RTL6: variants seen among roughly 807,000 people sequenced by gnomAD.
RTL6 encodes the protein retrotransposon Gag like 6.
Under a neutral mutation model 12.4 loss-of-function variants are expected in RTL6, and 9 were observed. The ratio of observed to expected loss-of-function variants is 0.73; its 90% CI spans 0.44 to 1.27. The LOEUF is 1.27. RTL6 is among the 50% of genes most tolerant of loss of function. RTL6 has a pLI of 0.00. For synonymous variants in RTL6, 160 were observed against 142.8 expected, an observed-to-expected ratio of 1.12 and a Z score of -0.86; for missense variants, 291 against 330.7, an observed-to-expected ratio of 0.88 and a Z score of 0.93.
At position 44,494,483 on chromosome 22, in the gene RTL6, G is replaced by T. The variant is rs533688634; in HGVS notation, c.*2354C>A. 1 of 152,228 alleles carries T rather than the reference G, an allele frequency of 6.6e-6. No homozygotes were observed. The highest frequency in any genetic ancestry group is 1.5e-5 in the Non-Finnish European group (1 of 68,100). The allele number at this position is 152,228 out of a possible 1,614,324, so 9.4% of individuals were successfully genotyped here. A position where few individuals can be genotyped will look rare whatever the true frequency, so the allele number is the denominator to read the frequency against. On this transcript the variant is annotated 3_prime_UTR_variant, in exon 2 of 2. Transcript: ENST00000341255. ...GCCCCGACCCTCTCTCATCTGCTCC[G>T]TGTTCCAAAGTGCAGGGAGCTATCA...
Position 44,497,018 on chromosome 22 carries a change from G to A in RTL6, c.539C>T (p.Pro180Leu), listed in dbSNP as rs769764175. 4.3e-6 allele frequency: 7 copies of A among 1,614,064 alleles called. No homozygotes were observed. The highest frequency in any genetic ancestry group is 1.7e-5 in the Admixed American group (1 of 60,034). The change falls in exon 2 of 2, where the codon CCG becomes CTG. Residue 180 changes from proline to leucine, a missense_variant. This residue lies in a region of RTL6 where 132 missense variants were observed against 163.9 expected (regional missense o/e 0.81). Transcript: ENST00000341255. ...LAELRRTYKS[P>L]LRHARRAQIR... Reference sequence around the variant, plus strand: ...TTGGGCGCGCCGCGCATGCCGGAGCGGAGACTTGTAGGTTCTCCGCAACTC... The same window carrying A: ...TTGGGCGCGCCGCGCATGCCGGAGCAGAGACTTGTAGGTTCTCCGCAACTC...
Position 44,497,019 on chromosome 22 carries a change from G to A in RTL6, c.538C>T (p.Pro180Ser), listed in dbSNP as rs773405119. The A allele has an allele frequency of 3.7e-6, 6 of 1,613,962 alleles. No homozygotes were observed. Among genetic ancestry groups the A allele is most frequent in the South Asian group, 2.2e-5 (2 of 91,088 alleles). The change falls in exon 2 of 2, where the codon CCG (proline) becomes TCG (serine). Residue 180 changes from proline (P) to serine (S), a missense_variant. By Grantham distance (74) the Pro-to-Ser change is moderately conservative (BLOSUM62 -1). Around this residue, in one of 3 missense-constraint regions of RTL6, gnomAD observed 132 missense variants for 163.9 expected, o/e 0.81. Coordinates refer to ENST00000341255, the MANE Select transcript of RTL6 (RefSeq NM_032287.3). ...TGGGCGCGCCGCGCATGCCGGAGCGGAGACTTGTAGGTTCTCCGCAACTCT... is the reference window on the plus strand; with the variant it reads ...TGGGCGCGCCGCGCATGCCGGAGCGAAGACTTGTAGGTTCTCCGCAACTCT... Reference protein sequence around the residue: ...LAELRRTYKSPLRHARRAQIR... With the variant: ...LAELRRTYKSSLRHARRAQIR...
In RTL6 at chr22:44,496,894, T is replaced by G. The variant is rs1924464896; in HGVS notation, c.663A>C (p.Pro221=). Residue 221 remains proline, a synonymous_variant, in exon 2 of 2, where the codon CCA becomes CCC. Coordinates refer to ENST00000341255, the MANE Select transcript of RTL6 (RefSeq NM_032287.3). ...GCGCTGGACTAGTCCCGTTGGAAGC[T>G]GGATGCACTGGGCAAGGCCCCGTGC... ...SAGTGPCPVH[P]ASNGTSPAPA... The G allele has an allele frequency of 6.2e-7, 1 of 1,603,936 alleles. No individual in the cohort carries two copies. Among genetic ancestry groups the G allele is most frequent in the Non-Finnish European group, 8.5e-7 (1 of 1,173,838 alleles).
In RTL6 at chr22:44,494,688, GGGAGTGTGTGGA is replaced by G. The variant is rs1924394391; in HGVS notation, c.*2137_*2148del. ...TGTGTGGACAGGGAGTGTGTGGACAGGGAGTGTGTGGACAGGGAGCGTGGCCGGCCTTTCCTA... is the reference window on the plus strand; with the variant it reads ...TGTGTGGACAGGGAGTGTGTGGACAGCAGGGAGCGTGGCCGGCCTTTCCTA... On this transcript the variant is annotated 3_prime_UTR_variant, in exon 2 of 2. Coordinates refer to ENST00000341255, the MANE Select transcript of RTL6 (RefSeq NM_032287.3). The G allele has an allele frequency of 1.3e-5, 2 of 152,574 alleles. No individual in the cohort carries two copies. Among genetic ancestry groups the G allele is most frequent in the African/African-American group, 4.8e-5 (2 of 41,346 alleles). The allele number at this position is 152,574 out of a possible 1,614,324, so 9.5% of individuals were successfully genotyped here.
chr22:44,497,334 C>G lies in RTL6; in HGVS notation c.223G>C (p.Gly75Arg). 6.2e-7 allele frequency: 1 copy of G among 1,613,346 alleles called. No individual in the cohort carries two copies. The highest frequency in any genetic ancestry group is 8.5e-7 in the Non-Finnish European group (1 of 1,179,372). The change falls in exon 2 of 2, where the codon GGG becomes CGG. Residue 75 changes from glycine (G) to arginine (R), a missense_variant. Gly to Arg is a moderately radical substitution (Grantham distance 125). This residue lies in a region of RTL6 where 155 missense variants were observed against 149.2 expected (regional missense o/e 1.04). Transcript: ENST00000341255. ...ATGGGCGGGGTGATCTGCAGAGCCC[C>G]CGGGATCCGCGCCCTGGTGCGTAAC... ...TLLRTRARIP[G>R]ALQITPPISS... is the part of the protein sequence containing the mutation.
chr22:44,497,328 G>C lies in RTL6; in HGVS notation c.229C>G (p.Leu77Val). The C allele has an allele frequency of 6.2e-7, 1 of 1,613,476 alleles. No individual in the cohort carries two copies. The highest frequency in any genetic ancestry group is 1.3e-5 in the African/African-American group (1 of 75,042). ...GAGGAGATGGGCGGGGTGATCTGCA[G>C]AGCCCCCGGGATCCGCGCCCTGGTG... ...LRTRARIPGA[L>V]QITPPISSIT... is the part of the protein sequence containing the mutation. Residue 77 changes from leucine (L) to valine (V), a missense_variant, in exon 2 of 2, where the codon CTG becomes GTG. Physicochemically the swap from Leu to Val is conservative, Grantham distance 32. Around this residue, in one of 3 missense-constraint regions of RTL6, gnomAD observed 155 missense variants for 149.2 expected, o/e 1.04. Coordinates refer to ENST00000341255, the MANE Select transcript of RTL6 (RefSeq NM_032287.3).
chr22:44,496,868 G>A lies in RTL6; in HGVS notation c.689C>T (p.Pro230Leu). The change falls in exon 2 of 2, where the codon CCA becomes CTA. Residue 230 changes from proline to leucine, a missense_variant. Pro to Leu is a moderately conservative substitution (Grantham distance 98). Around this residue, in one of 3 missense-constraint regions of RTL6, gnomAD observed 132 missense variants for 163.9 expected, o/e 0.81. Transcript: ENST00000341255. ...ATTCCGTGCTCGGGCAGGCAGGGCT[G>A]GCGCTGGACTAGTCCCGTTGGAAGC... ...HPASNGTSPA[P>L]ALPARARNL 6.4e-7 allele frequency: 1 copy of A among 1,573,586 alleles called. No homozygotes were observed. The highest frequency in any genetic ancestry group is 2.3e-5 in the East Asian group (1 of 44,364).
Position 44,497,070 on chromosome 22 carries a change from G to T in RTL6, c.487C>A (p.Arg163Ser). The T allele has an allele frequency of 6.2e-7, 1 of 1,614,144 alleles. No homozygotes were observed. The highest frequency in any genetic ancestry group is 8.5e-7 in the Non-Finnish European group (1 of 1,180,012). ...GCCAGGAACCCCTGATAGTTGTTGC[G>T]CAAGGGGCTGTCAGGTTGCATGTGG... Reference protein sequence around the residue: ...IPHMQPDSPLRNNYQGFLAEL... With the variant: ...IPHMQPDSPLSNNYQGFLAEL... The change falls in exon 2 of 2, where the codon CGC (arginine) becomes AGC (serine). Residue 163 changes from arginine to serine, a missense_variant. Around this residue, in one of 3 missense-constraint regions of RTL6, gnomAD observed 132 missense variants for 163.9 expected, o/e 0.81. Transcript: ENST00000341255.
At position 44,495,668 on chromosome 22, in the gene RTL6, C is replaced by CG. The variant is rs1322526552; in HGVS notation, c.*1168_*1169insC. The CG allele has an allele frequency of 6.6e-6, 1 of 151,642 alleles. No homozygotes were observed. Among genetic ancestry groups the CG allele is most frequent in the Non-Finnish European group, 1.5e-5 (1 of 68,032 alleles). 9.4% of individuals were successfully genotyped at this position (151,642 alleles called of 1,614,324 possible). Reference sequence around the variant, plus strand: ...GGGTTGCCAGAGGCAGACACCCCCCCCGGCCTTAAGTGCTTAAGGATGTTT... The same window carrying CG: ...GGGTTGCCAGAGGCAGACACCCCCCCGCGGCCTTAAGTGCTTAAGGATGTTT... On this transcript the variant is annotated 3_prime_UTR_variant, in exon 2 of 2. Transcript: ENST00000341255.
In RTL6 at chr22:44,497,011, C is replaced by A. The variant is rs1322783012; in HGVS notation, c.546G>T (p.Arg182=). ...ELRRTYKSPL[R]HARRAQIRKT... ...TCCTGATTTGGGCGCGCCGCGCATGCCGGAGCGGAGACTTGTAGGTTCTCC... is the reference window on the plus strand; with the variant it reads ...TCCTGATTTGGGCGCGCCGCGCATGACGGAGCGGAGACTTGTAGGTTCTCC... The change falls in exon 2 of 2, where the codon CGG becomes CGT. Residue 182 remains arginine, a synonymous_variant. Transcript: ENST00000341255. 5 of 1,613,888 alleles carry A rather than the reference C, an allele frequency of 3.1e-6. No homozygotes were observed. The African/African-American group carries it at 6.7e-5, about 22-fold the overall frequency.
Position 44,496,792 on chromosome 22 carries a change from A to G in RTL6, c.*45T>C. On this transcript the variant is annotated 3_prime_UTR_variant, in exon 2 of 2. Transcript: ENST00000341255. Reference sequence around the variant, plus strand: ...ATTTCTTCTACACAGCAAAGAGCGTATGCTACCTGGGTGGCTGCAGACGCT... The same window carrying G: ...ATTTCTTCTACACAGCAAAGAGCGTGTGCTACCTGGGTGGCTGCAGACGCT... 6.6e-7 allele frequency: 1 copy of G among 1,521,702 alleles called. No individual in the cohort carries two copies. Among genetic ancestry groups the G allele is most frequent in the Non-Finnish European group, 8.8e-7 (1 of 1,136,992 alleles). The allele number at this position is 1,521,702 out of a possible 1,614,324, so 94.3% of individuals were successfully genotyped here. A position where few individuals can be genotyped will look rare whatever the true frequency, so the allele number is the denominator to read the frequency against.
At position 44,492,965 on chromosome 22, in the gene RTL6, A is replaced by G. The variant is rs1211428853; in HGVS notation, c.*3872T>C. The G allele has an allele frequency of 6.6e-6, 1 of 152,202 alleles. No individual in the cohort carries two copies. Among genetic ancestry groups the G allele is most frequent in the East Asian group, 1.9e-4 (1 of 5,198 alleles). 9.4% of individuals were successfully genotyped at this position (152,202 alleles called of 1,614,324 possible). On this transcript the variant is annotated 3_prime_UTR_variant, in exon 2 of 2. Coordinates refer to ENST00000341255, the MANE Select transcript of RTL6 (RefSeq NM_032287.3). Reference sequence around the variant, plus strand: ...TCCTGGAGTCTACCCTAATAACTTGACATTGGGAAACAGCCTGTGCACAAA... The same window carrying G: ...TCCTGGAGTCTACCCTAATAACTTGGCATTGGGAAACAGCCTGTGCACAAA...
Position 44,497,164 on chromosome 22 carries a change from CG to C in RTL6, c.392del (p.Pro131ArgfsTer14). ...GGAAGGCCACACGCTCGGCCTCACC[CG>C]GGAAGCGGGAGGCCTGGAAGATCAT... The part of the protein sequence containing the change: ...RFMIFQASRF[P>X]GEAERVAFLV... On this transcript the variant is annotated frameshift_variant, in exon 2 of 2. Coordinates refer to ENST00000341255, the MANE Select transcript of RTL6 (RefSeq NM_032287.3). LOFTEE classifies it high-confidence loss of function. 1 of 1,613,832 alleles carries C rather than the reference CG, an allele frequency of 6.2e-7. No homozygotes were observed. Among genetic ancestry groups the C allele is most frequent in the African/African-American group, 1.3e-5 (1 of 75,020 alleles).
In RTL6 at chr22:44,496,993, T is replaced by C; in HGVS notation, c.564A>G (p.Gln188=). Residue 188 remains glutamine (Q), a synonymous_variant, in exon 2 of 2, where the codon CAA becomes CAG. Coordinates refer to ENST00000341255, the MANE Select transcript of RTL6 (RefSeq NM_032287.3). ...TATTAGAGGCAGAAGTCTTCCTGAT[T>C]TGGGCGCGCCGCGCATGCCGGAGCG... is the stretch of plus-strand genomic sequence containing the variant. ...KSPLRHARRA[Q]IRKTSASNRA... 2 of 1,613,978 alleles carry C rather than the reference T, an allele frequency of 1.2e-6. No homozygotes were observed. The highest frequency in any genetic ancestry group is 1.7e-6 in the Non-Finnish European group (2 of 1,179,938).
Position 44,496,043 on chromosome 22 carries a change from T to C in RTL6, c.*794A>G, listed in dbSNP as rs1263381920. On this transcript the variant is annotated 3_prime_UTR_variant, in exon 2 of 2. Transcript: ENST00000341255. ...CCTGCAGCCTGATAGACCTGCCCAATGGCTGAGAGTCCACCACGACCTTAT... is the reference window on the plus strand; with the variant it reads ...CCTGCAGCCTGATAGACCTGCCCAACGGCTGAGAGTCCACCACGACCTTAT... The C allele has an allele frequency of 6.6e-6, 1 of 152,260 alleles. No individual in the cohort carries two copies. The allele number at this position is 152,260 out of a possible 1,614,324, so 9.4% of individuals were successfully genotyped here. A position where few individuals can be genotyped will look rare whatever the true frequency, so the allele number is the denominator to read the frequency against.
At position 44,496,921 on chromosome 22, in the gene RTL6, C is replaced by T. The variant is rs767411402; in HGVS notation, c.636G>A (p.Ala212=). 28 of 1,612,746 alleles carry T rather than the reference C, an allele frequency of 1.7e-5. No homozygotes were observed. The highest frequency in any genetic ancestry group is 9.3e-5 in the African/African-American group (7 of 74,936). The change falls in exon 2 of 2, where the codon GCG becomes GCA. Residue 212 remains alanine (A), a synonymous_variant. Coordinates refer to ENST00000341255, the MANE Select transcript of RTL6 (RefSeq NM_032287.3). ...RQMLCRQLAS[A]GTGPCPVHPA... Reference sequence around the variant, plus strand: ...GATGCACTGGGCAAGGCCCCGTGCCCGCAGAGGCCAGCTGGCGGCAGAGCA... The same window carrying T: ...GATGCACTGGGCAAGGCCCCGTGCCTGCAGAGGCCAGCTGGCGGCAGAGCA...
chr22:44,493,952 C>G lies in RTL6; in HGVS notation c.*2885G>C, dbSNP rs977525161. The G allele has an allele frequency of 6.6e-6, 1 of 152,380 alleles. No homozygotes were observed. 9.4% of individuals were successfully genotyped at this position (152,380 alleles called of 1,614,324 possible). A position where few individuals can be genotyped will look rare whatever the true frequency, so the allele number is the denominator to read the frequency against. ...CTCCTCATTGCTCATCACATACTTA[C>G]CTGGGGACAATGAAATAGGTCTTTG... On this transcript the variant is annotated 3_prime_UTR_variant, in exon 2 of 2. Transcript: ENST00000341255.
Position 44,496,776 on chromosome 22 carries a change from A to G in RTL6, c.*61T>C. The G allele has an allele frequency of 6.6e-7, 1 of 1,510,570 alleles. No individual in the cohort carries two copies. 93.6% of individuals were successfully genotyped at this position (1,510,570 alleles called of 1,614,324 possible). A position where few individuals can be genotyped will look rare whatever the true frequency, so the allele number is the denominator to read the frequency against. On this transcript the variant is annotated 3_prime_UTR_variant, in exon 2 of 2. Coordinates refer to ENST00000341255, the MANE Select transcript of RTL6 (RefSeq NM_032287.3). ...AAGCTGTCGTATGGGCATTTCTTCT[A>G]CACAGCAAAGAGCGTATGCTACCTG... is the stretch of plus-strand genomic sequence containing the variant.
chr22:44,495,777 TG>T lies in RTL6; in HGVS notation c.*1059del, dbSNP rs1470501499. 1.3e-5 allele frequency: 2 copies of T among 152,308 alleles called. No individual in the cohort carries two copies. The highest frequency in any genetic ancestry group is 2.9e-5 in the Non-Finnish European group (2 of 68,086). The allele number at this position is 152,308 out of a possible 1,614,324, so 9.4% of individuals were successfully genotyped here. ...GGGAGTACATGCTACAAGGTGCCTT[TG>T]GAGACCCACAGATGGTGCGTGGGTG... On this transcript the variant is annotated 3_prime_UTR_variant, in exon 2 of 2. Transcript: ENST00000341255.
Sources: gnomAD v4.1 joint callset for allele counts on GRCh38, gnomAD v4.1.1 for gene constraint, gnomAD v4.1.1 regional missense constraint, MANE v1.5 for transcripts, NCBI Gene and HGNC (gene_info 2026-07-23, HGNC 2026-07-21) for gene names.